CEP112: variants seen among roughly 807,000 people sequenced by gnomAD.
CEP112 encodes the protein centrosomal protein of 112 kDa.
Under a neutral mutation model 153.0 loss-of-function variants are expected in CEP112, and 127 were observed. The ratio of observed to expected loss-of-function variants is 0.83; its 90% CI spans 0.72 to 0.96. The LOEUF (loss-of-function observed/expected upper bound fraction) is 0.96, where lower values mean the gene tolerates loss of function less well. Ranked by LOEUF, CEP112 falls within the 40% of genes least tolerant of loss-of-function variation. The probability of loss-of-function intolerance (pLI) is 0.00; values close to 1 mark genes in which losing one functional copy is unlikely to be tolerated. For missense variants in CEP112, 1,089 were observed against 1,101.2 expected, an observed-to-expected ratio of 0.99 and a Z score of 0.16; for synonymous variants, 358 against 374.4, an observed-to-expected ratio of 0.96 and a Z score of 0.51.
intron 24 of CEP112, among the ~76,000 whole-genome samples, chr17:65,648,805 C>T (rs2045578450): frequency 6.6e-6 from 1 of 152,168 alleles, no homozygotes; most frequent in African/African-American, 2.4e-5. Context: ...AATCCCAGCA[C>T]TCTGGGAGGC....
intron 23 of CEP112, among the ~76,000 whole-genome samples, chr17:65,740,742 T>A (rs2051081860): frequency 1.3e-5 from 2 of 152,166 alleles, no homozygotes; most frequent in Non-Finnish European, 2.9e-5. Flanking sequence ...TGCAGACAAA[T>A]GTATTTGGTC....
At chr17:66,071,448 C>T (rs1276825420) in intron 8 of CEP112, among the ~76,000 whole-genome samples, 2 of 152,022 alleles carry the variant, frequency 1.3e-5, no homozygotes, top group African/African-American at 4.8e-5. Context: ...ACAAAGCTGG[C>T]CAGGTCTAAG....
intron 8 of CEP112, among the ~76,000 whole-genome samples, chr17:66,088,152 C>G (rs764617734): frequency 2.0e-5 from 3 of 152,002 alleles, no homozygotes; most frequent in Admixed American, 6.6e-5. Context: ...CCAGCCCCTA[C>G]AGACTAAGGT....
intron 2 of CEP112, 80 bp from the exon 3 acceptor site, chr17:66,177,100 T>C (rs2072512905): frequency 8.8e-7 from 1 of 1,136,844 alleles, no homozygotes; most frequent in Non-Finnish European, 1.2e-6. Context: ...TAATAGCACC[T>C]GCTTTAGTCT....
intron 24 of CEP112, among the ~76,000 whole-genome samples, chr17:65,654,041 A>G (rs1164612748): frequency 1.4e-5 from 2 of 145,134 alleles, no homozygotes; most frequent in East Asian, 4.1e-4. Context: ...CCTGGCAACC[A>G]GAGCAAGACT....
At chr17:66,122,050 A>G (rs948623816) in intron 6 of CEP112, among the ~76,000 whole-genome samples, 1 of 152,034 alleles carries the variant, frequency 6.6e-6, no homozygotes, top group African/African-American at 2.4e-5. Flanking sequence ...GTGCACCACC[A>G]TGCCCAAATA....
At chr17:66,057,791 ACACACAG>A (rs2066755449) in intron 11 of CEP112, among the ~76,000 whole-genome samples, 3 of 150,884 alleles carry the variant, frequency 2.0e-5, no homozygotes, top group African/African-American at 7.3e-5. Context: ...ACACACACAC[ACACACAG>A]CCTTCAGTGA....
chr17:66,070,679 G>T (rs1448084042), intron 8 of CEP112, among the ~76,000 whole-genome samples: 1 of 152,110 alleles, frequency 6.6e-6, no homozygotes, highest in Admixed American at 6.6e-5. Flanking sequence ...TATAAGAAGG[G>T]TATCCTAGAA....
intron 23 of CEP112, among the ~76,000 whole-genome samples, chr17:65,741,383 G>C (rs1197623408): frequency 6.6e-6 from 1 of 151,890 alleles, no homozygotes; most frequent in Non-Finnish European, 1.5e-5. Flanking sequence ...TATAATCTAA[G>C]TGAGTGAATC....
intron 25 of CEP112, among the ~76,000 whole-genome samples, chr17:65,640,155 T>TATATATATATATATATATATATATATA (rs1491163281): frequency 2.8e-4 from 7 of 24,970 alleles, no homozygotes; most frequent in Admixed American, 5.3e-4. Context: ...TATATATATA[T>TATATATATATATATATATATATATATA]TTTTTTTTTT....
rs1044674251 is a variant in CEP112 at position 65,774,150 on chromosome 17, G to A, written c.2395-23426C>T. On this transcript the variant is annotated intron_variant, in intron 21 of 26. Coordinates refer to ENST00000535342, the MANE Select transcript of CEP112 (RefSeq NM_001199165.4). ...AACCAGGGCTGACTGGATCCAGGGC[G>A]GGGAATAAGAATACTACTTGAAAGT... 3.3e-5 allele frequency among the ~76,000 whole-genome samples: 5 copies of A among 151,918 alleles called. No homozygotes were observed. In the East Asian group the frequency reaches 5.8e-4, roughly 18 times the overall value.
At chr17:66,019,799 T>A (rs919668494) in intron 16 of CEP112, among the ~76,000 whole-genome samples, 5 of 152,074 alleles carry the variant, frequency 3.3e-5, no homozygotes, top group African/African-American at 1.2e-4. Flanking sequence ...TGAAATAGAA[T>A]AGGAATGGTC....
chr17:66,165,509 AG>A (rs2071916378), intron 4 of CEP112, among the ~76,000 whole-genome samples: 1 of 152,226 alleles, frequency 6.6e-6, no homozygotes, highest in Non-Finnish European at 1.5e-5. Context: ...TAAGAAGGAA[AG>A]GTATTGATTG....
At chr17:66,035,003 TATA>T (rs2065666783) in intron 12 of CEP112, among the ~76,000 whole-genome samples, 2 of 114,300 alleles carry the variant, frequency 1.7e-5, no homozygotes, top group African/African-American at 6.1e-5. Flanking sequence ...CATATATATA[TATA>T]TATTTTTTTT....
chr17:66,149,793 T>G (rs72837158), intron 4 of CEP112, among the ~76,000 whole-genome samples: 1 of 150,442 alleles, frequency 6.6e-6, no homozygotes, highest in Non-Finnish European at 1.5e-5. Flanking sequence ...TTCTGTTTCA[T>G]ATTTTATTTC....
intron 17 of CEP112, among the ~76,000 whole-genome samples, chr17:65,993,100 C>T (rs1407513562): frequency 6.6e-6 from 1 of 152,128 alleles, no homozygotes; most frequent in Non-Finnish European, 1.5e-5. Context: ...CCCCACCTCA[C>T]CCCCTAACAG....
intron 23 of CEP112, among the ~76,000 whole-genome samples, chr17:65,707,189 TATC>T (rs2048961814): frequency 6.6e-6 from 1 of 152,330 alleles, no homozygotes; most frequent in African/African-American, 2.4e-5. Context: ...ATGTAGGAGT[TATC>T]ATTGAATCCC....
chr17:65,637,451 G>C (rs996951859), intron 25 of CEP112, among the ~76,000 whole-genome samples: 4 of 152,202 alleles, frequency 2.6e-5, no homozygotes, highest in Non-Finnish European at 5.9e-5. Context: ...GGCTTTACCT[G>C]TCCTCACGCC....
At chr17:66,129,903 G>C (rs1187534966) in intron 5 of CEP112, 80 bp from the exon 6 acceptor site, 2 of 887,806 alleles carry the variant, frequency 2.3e-6, no homozygotes, top group Admixed American at 4.7e-5. Context: ...AGAGATAAAA[G>C]AGGAAAAGAT....
Sources: allele counts gnomAD v4.1 joint callset (sites outside exome capture counted in the v4.1 genomes callset), GRCh38; gene constraint gnomAD v4.1.1; transcripts MANE v1.5; gene names NCBI Gene and HGNC (gene_info 2026-07-23, HGNC 2026-07-21).